CDK14: variants seen among roughly 807,000 people sequenced by gnomAD.
CDK14 encodes the protein cyclin dependent kinase 14, also known as cyclin-dependent kinase 14.
A neutral mutation model predicts 60.7 loss-of-function variants in CDK14; 34 were observed. That is an observed-to-expected ratio of 0.56 (90% CI 0.43 to 0.75). CDK14 has a LOEUF of 0.75. Among genes scored for constraint, CDK14 ranks in the 30% least tolerant of loss-of-function variants. CDK14 has a pLI of 0.00. For synonymous variants in CDK14, 197 were observed against 203.7 expected, an observed-to-expected ratio of 0.97 and a Z score of 0.28; for missense variants, 482 against 564.1, an observed-to-expected ratio of 0.85 and a Z score of 1.47.
chr7:91,096,065 CAA>C (rs112016367), intron 12 of CDK14, among the ~76,000 whole-genome samples: 3 of 64,556 alleles, frequency 4.6e-5, no homozygotes, highest in African/African-American at 1.9e-4. Context: ...CACAATTTGC[CAA>C]AAAAAAAAAA....
chr7:91,161,460 G>A (rs995347514), intron 14 of CDK14, among the ~76,000 whole-genome samples: 6 of 152,092 alleles, frequency 3.9e-5, no homozygotes, highest in Non-Finnish European at 4.4e-5. Flanking sequence ...TGTTTAGAGC[G>A]GTGTGTTTTT....
intron 3 of CDK14, among the ~76,000 whole-genome samples, chr7:90,727,203 A>T (rs1802667648): frequency 6.6e-6 from 1 of 152,176 alleles, no homozygotes; most frequent in Admixed American, 6.5e-5. Flanking sequence ...TAAATATCAA[A>T]ATTTGTTCAC....
chr7:90,953,669 T>G (rs1464836546), intron 8 of CDK14, among the ~76,000 whole-genome samples: 1 of 152,186 alleles, frequency 6.6e-6, no homozygotes, highest in East Asian at 1.9e-4. Flanking sequence ...CAATTTTTTT[T>G]CATTCTCTCA....
intron 8 of CDK14, among the ~76,000 whole-genome samples, chr7:90,926,679 C>T (rs112094279): frequency 2.0e-5 from 3 of 152,262 alleles, no homozygotes; most frequent in African/African-American, 7.2e-5. Flanking sequence ...AACCAATTCA[C>T]CAACACCTCA....
At chr7:90,684,782 C>T (rs1326672645) in intron 2 of CDK14, among the ~76,000 whole-genome samples, 7 of 152,186 alleles carry the variant, frequency 4.6e-5, no homozygotes, top group Admixed American at 2.6e-4. Context: ...CCTGTCTGTC[C>T]GTCCATCCAT....
chr7:90,943,687 C>T (rs1438783137), intron 8 of CDK14, among the ~76,000 whole-genome samples: 1 of 152,102 alleles, frequency 6.6e-6, no homozygotes, highest in African/African-American at 2.4e-5. Flanking sequence ...TTTGGGGTTA[C>T]TTCTTACCCC....
rs3038210 is a variant in CDK14 at position 90,866,233 on chromosome 7, TACACAC to T, written c.639+3000_639+3005del. On this transcript the variant is annotated intron_variant, in intron 6 of 14. Transcript: ENST00000380050. ...CTTCTGAAATACACACACATACACATACACACACACACACACACACACACACACACA... is the reference window on the plus strand; with the variant it reads ...CTTCTGAAATACACACACATACACATACACACACACACACACACACACACA... 5.9e-3 allele frequency among the ~76,000 whole-genome samples: 832 copies of T among 140,338 alleles called. 3 individuals are homozygous for T. The highest frequency in any genetic ancestry group is 0.029 in the East Asian group (143 of 4,926). 92.1% of individuals were successfully genotyped at this position (140,338 alleles called of 152,430 possible).
At chr7:91,189,358 A>C (rs911870221) in intron 14 of CDK14, among the ~76,000 whole-genome samples, 1 of 152,216 alleles carries the variant, frequency 6.6e-6, no homozygotes, top group Non-Finnish European at 1.5e-5. Flanking sequence ...TAATAAATGC[A>C]TTCATATTGT....
intron 12 of CDK14, among the ~76,000 whole-genome samples, chr7:91,111,238 C>T (rs1220243737): frequency 6.6e-6 from 1 of 152,154 alleles, no homozygotes; most frequent in Non-Finnish European, 1.5e-5. Flanking sequence ...TCCATTACCT[C>T]ATCTTCTCTT....
chr7:90,902,746 G>A (rs1486099714), intron 7 of CDK14, among the ~76,000 whole-genome samples: 2 of 152,012 alleles, frequency 1.3e-5, no homozygotes, highest in Non-Finnish European at 2.9e-5. Flanking sequence ...ATAGATAAAT[G>A]GGACTATATT....
chr7:90,611,901 C>T (rs548960177), intron 2 of CDK14, among the ~76,000 whole-genome samples: 123 of 147,836 alleles, frequency 8.3e-4, no homozygotes, highest in African/African-American at 2.9e-3. Context: ...GGCGCAATCT[C>T]GGCTCACTGC....
At chr7:90,903,457 C>G (rs1177199889) in intron 7 of CDK14, among the ~76,000 whole-genome samples, 1 of 151,932 alleles carries the variant, frequency 6.6e-6, no homozygotes, top group Non-Finnish European at 1.5e-5. Flanking sequence ...TGAAATAAGC[C>G]CCTCACAGAA....
At chr7:91,118,330 G>A (rs1799674849) in intron 14 of CDK14, 122 bp downstream of exon 14, 2 of 544,568 alleles carry the variant, frequency 3.7e-6, no homozygotes, top group South Asian at 5.3e-5. Flanking sequence ...GTGCATTATG[G>A]CATTCATCAG....
intron 10 of CDK14, among the ~76,000 whole-genome samples, chr7:91,038,205 C>T (rs776878775): frequency 6.6e-6 from 1 of 152,194 alleles, no homozygotes; most frequent in Non-Finnish European, 1.5e-5. Flanking sequence ...GAAGACGACT[C>T]TCTTCTACTT....
chr7:90,624,989 G>A (rs1460854741), intron 2 of CDK14, among the ~76,000 whole-genome samples: 2 of 152,134 alleles, frequency 1.3e-5, no homozygotes, highest in African/African-American at 4.8e-5. Flanking sequence ...AGCTCATAGA[G>A]TTGATAGGAT....
intron 2 of CDK14, among the ~76,000 whole-genome samples, chr7:90,647,604 C>T (rs544603516): frequency 2.0e-5 from 3 of 151,554 alleles, no homozygotes; most frequent in African/African-American, 7.3e-5. Context: ...CAACTAATTC[C>T]TCTTTTGGCT....
chr7:90,845,619 C>T (rs988147782), intron 5 of CDK14, among the ~76,000 whole-genome samples: 5 of 151,958 alleles, frequency 3.3e-5, no homozygotes, highest in African/African-American at 1.2e-4. Context: ...TCTGGTGTCA[C>T]TTACGTTTGA....
At chr7:91,031,346 G>A (rs995046504) in intron 10 of CDK14, among the ~76,000 whole-genome samples, 2 of 151,858 alleles carry the variant, frequency 1.3e-5, no homozygotes, top group Non-Finnish European at 1.5e-5. Flanking sequence ...GCAAGCAGAT[G>A]AATAATATTC....
At chr7:90,997,025 A>G (rs1795705612) in intron 10 of CDK14, among the ~76,000 whole-genome samples, 1 of 152,108 alleles carries the variant, frequency 6.6e-6, no homozygotes, top group Non-Finnish European at 1.5e-5. Flanking sequence ...TCTCTCTCCA[A>G]TGTCTAAATA....
Sources: gnomAD v4.1 joint callset for allele counts (sites outside exome capture counted in the v4.1 genomes callset) on GRCh38, gnomAD v4.1.1 for gene constraint, MANE v1.5 for transcripts, NCBI Gene and HGNC (gene_info 2026-07-23, HGNC 2026-07-21) for gene names.